DDX46: variants seen among roughly 807,000 people sequenced by gnomAD.
The protein encoded by DDX46 is DEAD-box helicase 46, also known as probable ATP-dependent RNA helicase DDX46.
In DDX46, 30 loss-of-function variants were observed where a neutral mutation model predicts 134.9. That is an observed-to-expected ratio of 0.22 (90% CI 0.17 to 0.30). DDX46 has a LOEUF of 0.30. Among genes scored for constraint, DDX46 ranks in the 10% least tolerant of loss-of-function variants. The pLI, the probability that DDX46 is intolerant of heterozygous loss-of-function variation, is 1.00. For missense variants in DDX46, 622 were observed against 1,248.7 expected (o/e 0.50, Z 7.56); for synonymous variants, 415 against 404.1 (o/e 1.03, Z -0.32).
intron 21 of DDX46, among the ~76,000 whole-genome samples, chr5:134,822,529 G>T (rs1283717227): frequency 6.6e-6 from 1 of 151,912 alleles, no homozygotes; most frequent in East Asian, 1.9e-4. Context: ...TAGAGACAGG[G>T]TCTTGCTATG....
intron 5 of DDX46, among the ~76,000 whole-genome samples, chr5:134,776,693 G>T (rs1753947493): frequency 1.3e-5 from 2 of 151,974 alleles, no homozygotes; most frequent in Admixed American, 6.6e-5. Flanking sequence ...GAGGTGGGTG[G>T]ATCACAAGGT....
In DDX46 at chr5:134,818,946, C is replaced by T. The variant is rs373016678; in HGVS notation, c.2919C>T (p.Tyr973=). 28 of 1,614,056 alleles carry T rather than the reference C, an allele frequency of 1.7e-5. No homozygotes were observed. The highest frequency in any genetic ancestry group is 2.3e-5 in the Non-Finnish European group (27 of 1,179,994). ...CCGCAATTACAATCAGAGGAACCTA[C>T]TTCCCTCCTGGCAAAGAACCCAAGG... ...SEAAITIRGT[Y]FPPGKEPKEG... The change falls in exon 21 of 23, where the codon TAC becomes TAT. Residue 973 remains tyrosine, a synonymous_variant. Transcript: ENST00000452510.
In DDX46 at chr5:134,797,188, A is replaced by AAAAC. The variant is rs1554151093; in HGVS notation, c.1954+1041_1954+1042insCAAA. The AAAAC allele has an allele frequency of 1.7e-3, 483 of 287,052 alleles. 7 individuals carry two copies. Among genetic ancestry groups the AAAAC allele is most frequent in the East Asian group, 8.1e-3 (65 of 8,006 alleles). The allele number at this position is 287,052 out of a possible 1,614,324, so 17.8% of individuals were successfully genotyped here. A position where few individuals can be genotyped will look rare whatever the true frequency, so the allele number is the denominator to read the frequency against. On this transcript the variant is annotated intron_variant, in intron 15 of 22. Coordinates refer to ENST00000452510, the MANE Select transcript of DDX46 (RefSeq NM_001300860.2). ...GTCTCAAAAAAAAAAAAAAAAAAAA[A>AAAAC]AAAAAAAAACACAAAACACATGGAA...
chr5:134,816,633 C>A, intron 19 of DDX46, 27 bp downstream of exon 19: 2 of 1,599,626 alleles, frequency 1.3e-6, no homozygotes, highest in South Asian at 1.1e-5. Flanking sequence ...AAGTCTCAGT[C>A]AATACTTTTA....
chr5:134,815,706 C>CAAAAAAAAA (rs374562980), intron 18 of DDX46, among the ~76,000 whole-genome samples: 2 of 28,698 alleles, frequency 7.0e-5, no homozygotes, highest in African/African-American at 2.1e-4. Flanking sequence ...GACTCTGTCT[C>CAAAAAAAAA]AAAAAAAAAA....
At chr5:134,776,679 G>A (rs1400262570) in intron 5 of DDX46, among the ~76,000 whole-genome samples, 1 of 152,164 alleles carries the variant, frequency 6.6e-6, no homozygotes, top group Non-Finnish European at 1.5e-5. Context: ...CACTTTGGGA[G>A]GCTGAGGTGG....
At chr5:134,796,499 T>G (rs1049023243) in intron 15 of DDX46, among the ~76,000 whole-genome samples, 2 of 152,242 alleles carry the variant, frequency 1.3e-5, no homozygotes, top group Admixed American at 6.5e-5. Flanking sequence ...AACGTTTTAA[T>G]TTCTTGTGAT....
intron 9 of DDX46, among the ~76,000 whole-genome samples, chr5:134,783,550 CTTT>C (rs1175468795): frequency 7.9e-6 from 1 of 125,788 alleles, no homozygotes. Context: ...CATGCCCGGC[CTTT>C]TTTTTTTTTT....
chr5:134,802,437 C>T (rs1405452741), intron 15 of DDX46, among the ~76,000 whole-genome samples: 1 of 151,636 alleles, frequency 6.6e-6, no homozygotes, highest in African/African-American at 2.4e-5. Flanking sequence ...GCTGAGGTTA[C>T]AGGCGTGAGC....
chr5:134,764,024 T>G lies in DDX46; in HGVS notation c.138T>G (p.Asp46Glu). The stretch of plus-strand genomic sequence containing the variant: ...GACGGTCTAGAAGTAGAGATAGAGA[T>G]AGGAGGAGAGAGAGGTCTCGTAGCA... ...DDRRSRSRDR[D>E]RRRERSRSRD... Residue 46 changes from aspartate to glutamate, a missense_variant, in exon 2 of 23, where the codon GAT becomes GAG. Physicochemically the swap from Asp to Glu is conservative, Grantham distance 45. Coordinates refer to ENST00000452510, the MANE Select transcript of DDX46 (RefSeq NM_001300860.2). The G allele has an allele frequency of 6.2e-7, 1 of 1,614,054 alleles. No individual in the cohort carries two copies. The highest frequency in any genetic ancestry group is 8.5e-7 in the Non-Finnish European group (1 of 1,180,022).
intron 18 of DDX46, among the ~76,000 whole-genome samples, chr5:134,815,709 A>T: frequency 7.0e-6 from 1 of 142,238 alleles, no homozygotes; most frequent in African/African-American, 2.7e-5. Flanking sequence ...TCTGTCTCAA[A>T]AAAAAAAAAA....
intron 21 of DDX46, among the ~76,000 whole-genome samples, chr5:134,822,329 A>T (rs1165103448): frequency 6.6e-6 from 1 of 151,738 alleles, no homozygotes; most frequent in African/African-American, 2.4e-5. Context: ...TTGACACAAA[A>T]TTCCTGTATA....
intron 16 of DDX46, among the ~76,000 whole-genome samples, chr5:134,810,202 T>C (rs971995414): frequency 1.1e-4 from 16 of 151,602 alleles, no homozygotes; most frequent in African/African-American, 3.6e-4. Flanking sequence ...TGTGAGCCAT[T>C]GTACCCAGCA....
chr5:134,795,904 C>A, intron 14 of DDX46, 84 bp from the exon 15 acceptor site: 1 of 1,206,758 alleles, frequency 8.3e-7, no homozygotes, highest in Non-Finnish European at 1.2e-6. Context: ...GTCATTCATT[C>A]ACTACAAATA....
rs1185274668 is a variant in DDX46 at position 134,830,189 on chromosome 5, AAAAG to A, written c.*1486_*1489del. 6.6e-6 allele frequency: 1 copy of A among 151,130 alleles called. No individual in the cohort carries two copies. Among genetic ancestry groups the A allele is most frequent in the Non-Finnish European group, 1.5e-5 (1 of 67,476 alleles). 9.4% of individuals were successfully genotyped at this position (151,130 alleles called of 1,614,324 possible). A position where few individuals can be genotyped will look rare whatever the true frequency, so the allele number is the denominator to read the frequency against. On this transcript the variant is annotated 3_prime_UTR_variant, in exon 23 of 23. Transcript: ENST00000452510. The stretch of plus-strand genomic sequence containing the variant: ...AAATAGAAAAAAAAAAAAAAAGAAA[AAAAG>A]AATGTAAAATTTTAAAAATACAGTT...
chr5:134,790,426 G>A (rs1410040693), intron 12 of DDX46, 44 bp from the exon 13 acceptor site: 4 of 1,555,102 alleles, frequency 2.6e-6, no homozygotes, highest in Non-Finnish European at 3.5e-6. Context: ...AATTGTGACT[G>A]ATTTTTAGTT....
At chr5:134,779,808 A>G (rs1457639441) in intron 6 of DDX46, among the ~76,000 whole-genome samples, 4 of 152,216 alleles carry the variant, frequency 2.6e-5, no homozygotes, top group Non-Finnish European at 5.9e-5. Flanking sequence ...GTTTAAAAAT[A>G]CATAATCATG....
At chr5:134,805,863 T>C (rs568387130) in intron 15 of DDX46, among the ~76,000 whole-genome samples, 1 of 152,266 alleles carries the variant, frequency 6.6e-6, no homozygotes, top group Non-Finnish European at 1.5e-5. Flanking sequence ...CATTAAGTAT[T>C]GATAGACAAG....
At chr5:134,808,562 T>C (rs1755055538) in intron 16 of DDX46, among the ~76,000 whole-genome samples, 1 of 152,158 alleles carries the variant, frequency 6.6e-6, no homozygotes, top group African/African-American at 2.4e-5. Flanking sequence ...GGACCATCTG[T>C]ATACACATAC....
Sources: gnomAD v4.1 joint callset for allele counts (sites outside exome capture counted in the v4.1 genomes callset) on GRCh38, gnomAD v4.1.1 for gene constraint, MANE v1.5 for transcripts, NCBI Gene and HGNC (gene_info 2026-07-23, HGNC 2026-07-21) for gene names.